Variants in RAPGEF2 observed in about 807,000 individuals in gnomAD.
RAPGEF2 encodes PDZ domain containing guanine nucleotide exchange factor (GEF) 1.
In RAPGEF2, 54 loss-of-function variants were observed where a neutral mutation model predicts 186.7. That is an observed-to-expected ratio of 0.29 (90% CI 0.23 to 0.36). The LOEUF is 0.36. Among genes scored for constraint, RAPGEF2 ranks in the 10% least tolerant of loss-of-function variants. The pLI, the probability that RAPGEF2 is intolerant of heterozygous loss-of-function variation, is 1.00. For missense variants in RAPGEF2, 1,532 were observed against 2,045.0 expected (o/e 0.75, Z 4.84); for synonymous variants, 712 against 705.9 (o/e 1.01, Z -0.14).
chr4:159,304,482 A>T lies in RAPGEF2; in HGVS notation c.675+9A>T, dbSNP rs762991195. 4 of 1,593,024 alleles carry T rather than the reference A, an allele frequency of 2.5e-6. No individual in the cohort carries two copies. Among genetic ancestry groups the T allele is most frequent in the Middle Eastern group, 1.7e-4 (1 of 6,004 alleles). On this transcript the variant is annotated intron_variant, in intron 8 of 29. Transcript: ENST00000691494. ...TTTCTGATATCTACCAGGTAAGAGG[A>T]TGTTTTCCTTGTCATTTGCTTCATT...
At chr4:159,357,626 T>C (rs573312505) in intron 29 of RAPGEF2, among the ~76,000 whole-genome samples, 17 of 152,312 alleles carry the variant, frequency 1.1e-4, no homozygotes, top group Admixed American at 9.2e-4. Context: ...GAGGTTGCAG[T>C]GAGCCGAGAA....
intron 7 of RAPGEF2, among the ~76,000 whole-genome samples, chr4:159,300,539 A>G (rs982136413): frequency 2.0e-5 from 3 of 152,134 alleles, no homozygotes; most frequent in Non-Finnish European, 4.4e-5. Context: ...ATACATTGGT[A>G]TTAAAAATAC....
At chr4:159,145,893 T>C (rs1005711457) in intron 1 of RAPGEF2, among the ~76,000 whole-genome samples, 2 of 152,112 alleles carry the variant, frequency 1.3e-5, no homozygotes, top group Non-Finnish European at 2.9e-5. Context: ...CTCTGGCTTA[T>C]CCCAGAAACA....
intron 3 of RAPGEF2, among the ~76,000 whole-genome samples, chr4:159,205,305 C>T (rs1055476088): frequency 6.6e-6 from 1 of 152,046 alleles, no homozygotes; most frequent in Non-Finnish European, 1.5e-5. Flanking sequence ...GATTCATTTG[C>T]ACATCAGGGC....
chr4:159,194,107 T>C (rs185114311), intron 3 of RAPGEF2, among the ~76,000 whole-genome samples: 1 of 152,336 alleles, frequency 6.6e-6, no homozygotes, highest in African/African-American at 2.4e-5. Flanking sequence ...GCAAAGGGGC[T>C]GTGGAACCAG....
chr4:159,214,291 T>G (rs889438973), intron 4 of RAPGEF2, among the ~76,000 whole-genome samples: 6 of 152,228 alleles, frequency 3.9e-5, no homozygotes, highest in Non-Finnish European at 7.3e-5. Context: ...TGTAGGTTGA[T>G]TTATTAAAAT....
intron 4 of RAPGEF2, among the ~76,000 whole-genome samples, chr4:159,232,601 A>G (rs1278012613): frequency 1.3e-5 from 2 of 152,156 alleles, no homozygotes; most frequent in Non-Finnish European, 2.9e-5. Context: ...TTGGTGTACA[A>G]ATATCTGTTT....
At chr4:159,132,870 A>G (rs193270642) in intron 1 of RAPGEF2, among the ~76,000 whole-genome samples, 2 of 150,614 alleles carry the variant, frequency 1.3e-5, no homozygotes, top group Non-Finnish European at 3.0e-5. Context: ...TATTTTAAAT[A>G]TTATATACTT....
intron 1 of RAPGEF2, among the ~76,000 whole-genome samples, chr4:159,123,670 C>G (rs574071514): frequency 2.4e-3 from 357 of 151,608 alleles, no homozygotes; most frequent in Non-Finnish European, 4.2e-3. Context: ...AGGCGCCCAC[C>G]ACCGCGCCCG....
intron 1 of RAPGEF2, among the ~76,000 whole-genome samples, chr4:159,144,879 G>T (rs201375267): frequency 1.4e-3 from 128 of 92,284 alleles, no homozygotes; most frequent in Admixed American, 2.1e-3. Flanking sequence ...CTTTCTTCCT[G>T]TTTTTTTTTT....
At chr4:159,233,235 T>TA (rs1752845234) in intron 4 of RAPGEF2, among the ~76,000 whole-genome samples, 1 of 152,258 alleles carries the variant, frequency 6.6e-6, no homozygotes. Flanking sequence ...TATTGCCAAC[T>TA]CCAAGGTCAT....
intron 7 of RAPGEF2, among the ~76,000 whole-genome samples, chr4:159,248,373 G>A (rs1754904806): frequency 1.3e-5 from 2 of 152,178 alleles, no homozygotes; most frequent in Admixed American, 1.3e-4. Flanking sequence ...TTTATTGTTT[G>A]GATGCCTGAT....
intron 29 of RAPGEF2, 61 bp downstream of exon 29, chr4:159,356,219 C>G: frequency 6.7e-7 from 1 of 1,496,384 alleles, no homozygotes; most frequent in Admixed American, 1.9e-5. Flanking sequence ...GTGCTGCTTC[C>G]CAAGGCATTT....
At chr4:159,278,923 T>G (rs971898937) in intron 7 of RAPGEF2, among the ~76,000 whole-genome samples, 3 of 152,248 alleles carry the variant, frequency 2.0e-5, no homozygotes, top group African/African-American at 7.2e-5. Flanking sequence ...AAATTAAACC[T>G]GTTACACACG....
chr4:159,145,808 T>C (rs895706512), intron 1 of RAPGEF2, among the ~76,000 whole-genome samples: 1 of 152,142 alleles, frequency 6.6e-6, no homozygotes, highest in East Asian at 1.9e-4. Flanking sequence ...ATCTAAGCCA[T>C]CAGGTGCCAT....
chr4:159,146,454 A>T (rs1742977231), intron 1 of RAPGEF2, among the ~76,000 whole-genome samples: 1 of 151,940 alleles, frequency 6.6e-6, no homozygotes, highest in East Asian at 1.9e-4. Context: ...TGAAGAACTC[A>T]GTTAACTAGA....
chr4:159,169,377 G>A (rs1400471368), intron 1 of RAPGEF2, among the ~76,000 whole-genome samples: 18 of 152,114 alleles, frequency 1.2e-4, no homozygotes. Context: ...TTTGAAATAT[G>A]CATACATTGT....
At chr4:159,192,993 C>A (rs1325518064) in intron 2 of RAPGEF2, among the ~76,000 whole-genome samples, 1 of 152,110 alleles carries the variant, frequency 6.6e-6, no homozygotes, top group Non-Finnish European at 1.5e-5. Flanking sequence ...TAGATATTTT[C>A]TTTTCTAGCA....
At chr4:159,296,792 G>A (rs957026189) in intron 7 of RAPGEF2, among the ~76,000 whole-genome samples, 1 of 152,182 alleles carries the variant, frequency 6.6e-6, no homozygotes, top group African/African-American at 2.4e-5. Context: ...AGATCATGCA[G>A]TTTCTCATCA....
Sources: allele counts gnomAD v4.1 joint callset (sites outside exome capture counted in the v4.1 genomes callset), GRCh38; gene constraint gnomAD v4.1.1; transcripts MANE v1.5; gene names NCBI Gene and HGNC (gene_info 2026-07-23, HGNC 2026-07-21).